The following DAW1 variants were observed in gnomAD, a reference collection of about 807,000 sequenced individuals.
DAW1 encodes dynein assembly factor with WD repeat domains 1.
Under a neutral mutation model 56.5 loss-of-function variants are expected in DAW1, and 47 were observed. The ratio of observed to expected loss-of-function variants is 0.83; its 90% CI spans 0.66 to 1.06. The LOEUF (loss-of-function observed/expected upper bound fraction) is 1.06. Ranked by LOEUF, DAW1 falls within the 50% of genes least tolerant of loss-of-function variation. The probability of loss-of-function intolerance (pLI) is 0.00; values close to 1 mark genes in which losing one functional copy is unlikely to be tolerated. For missense variants in DAW1, 505 were observed against 499.3 expected (o/e 1.01, Z -0.11); for synonymous variants, 190 against 179.0 (o/e 1.06, Z -0.49).
chr2:227,878,015 G>A (rs547702192), intron 1 of DAW1, among the ~76,000 whole-genome samples: 1 of 152,322 alleles, frequency 6.6e-6, no homozygotes, highest in East Asian at 1.9e-4. Flanking sequence ...TGAAGACTTC[G>A]AACCTTTTTA....
chr2:227,871,659 G>A lies in DAW1; in HGVS notation c.-31G>A. The A allele has an allele frequency of 6.2e-7, 1 of 1,610,948 alleles. No homozygotes were observed. Among genetic ancestry groups the A allele is most frequent in the Non-Finnish European group, 8.5e-7 (1 of 1,178,604 alleles). Reference sequence around the variant, plus strand: ...GTTTAGCCGTTTCCAAGGCTACGAAGCCCATCGGCCGGGGATAAGAGAGCA... The same window carrying A: ...GTTTAGCCGTTTCCAAGGCTACGAAACCCATCGGCCGGGGATAAGAGAGCA... On this transcript the variant is annotated 5_prime_UTR_variant, in exon 1 of 13. Transcript: ENST00000309931.
At chr2:227,909,337 A>G (rs1480601956) in intron 10 of DAW1, among the ~76,000 whole-genome samples, 1 of 147,466 alleles carries the variant, frequency 6.8e-6, no homozygotes, top group Non-Finnish European at 1.5e-5. Context: ...TATTTTTTAT[A>G]TTATATATTT....
chr2:227,874,772 C>G (rs953023271), intron 1 of DAW1, among the ~76,000 whole-genome samples: 1 of 151,990 alleles, frequency 6.6e-6, no homozygotes, highest in African/African-American at 2.4e-5. Flanking sequence ...ACCAGCCTGC[C>G]CAACATGGTG....
rs1691456669 is a variant in DAW1 at position 227,898,111 on chromosome 2, A to G, written c.441-71A>G. ...GTAAATTTTTTACTCATGTATTAATATCTCATCTTAGTTCAGTTTATTATA... is the reference window on the plus strand; with the variant it reads ...GTAAATTTTTTACTCATGTATTAATGTCTCATCTTAGTTCAGTTTATTATA... On this transcript the variant is annotated intron_variant, in intron 5 of 12. Transcript: ENST00000309931. The G allele has an allele frequency of 5.3e-6, 5 of 942,134 alleles. No homozygotes were observed. The South Asian group carries it at 1.2e-4, about 22-fold the overall frequency. 58.4% of individuals were successfully genotyped at this position (942,134 alleles called of 1,614,324 possible).
chr2:227,898,163 C>A lies in DAW1; in HGVS notation c.441-19C>A. ...AATGTGTCTTTTTTTAAATAATCTA[C>A]ATTTCTTTTAAATCTTAGTGACAAA... On this transcript the variant is annotated intron_variant, in intron 5 of 12. Transcript: ENST00000309931. 6.7e-7 allele frequency: 1 copy of A among 1,501,674 alleles called. No individual in the cohort carries two copies. The highest frequency in any genetic ancestry group is 1.4e-5 in the South Asian group (1 of 72,784). 93.0% of individuals were successfully genotyped at this position (1,501,674 alleles called of 1,614,324 possible). A position where few individuals can be genotyped will look rare whatever the true frequency, so the allele number is the denominator to read the frequency against.
chr2:227,887,535 A>G (rs1386708035), intron 2 of DAW1: 1 of 152,234 alleles, frequency 6.6e-6, no homozygotes, highest in African/African-American at 2.4e-5. Flanking sequence ...AGAACATCAC[A>G]CAAGTGGTAC....
chr2:227,913,988 ATCTC>A (rs71723734), intron 10 of DAW1, among the ~76,000 whole-genome samples: 516 of 147,404 alleles, frequency 3.5e-3, no homozygotes, highest in African/African-American at 8.3e-3. Flanking sequence ...ATATATCTGT[ATCTC>A]TCTCTCTCTC....
intron 8 of DAW1, among the ~76,000 whole-genome samples, chr2:227,905,421 T>C (rs545727085): frequency 6.6e-6 from 1 of 152,352 alleles, no homozygotes; most frequent in Non-Finnish European, 1.5e-5. Context: ...ATTTCCTTCC[T>C]AATGATTTTT....
At chr2:227,889,421 C>G (rs1276603792) in intron 2 of DAW1, 1 of 152,614 alleles carries the variant, frequency 6.6e-6, no homozygotes, top group Middle Eastern at 3.1e-3. Context: ...CTTTGTCAAG[C>G]CTTGTTATCA....
chr2:227,887,948 T>C (rs918205592), intron 2 of DAW1, among the ~76,000 whole-genome samples: 1 of 152,044 alleles, frequency 6.6e-6, no homozygotes, highest in African/African-American at 2.4e-5. Flanking sequence ...TTAATTTGGA[T>C]CTTGCGAGGA....
chr2:227,902,831 G>A (rs1285439079), intron 6 of DAW1, among the ~76,000 whole-genome samples, 171 bp from the exon 7 acceptor site: 1 of 152,192 alleles, frequency 6.6e-6, no homozygotes, highest in Non-Finnish European at 1.5e-5. Context: ...CTTTTCAAGA[G>A]GAGGACTCTG....
chr2:227,911,980 T>C (rs1691837091), intron 10 of DAW1, among the ~76,000 whole-genome samples: 1 of 152,172 alleles, frequency 6.6e-6, no homozygotes, highest in African/African-American at 2.4e-5. Context: ...ATCTGATTCA[T>C]CTTTCTCATG....
At chr2:227,918,175 C>CCAT (rs780205259) in intron 10 of DAW1, among the ~76,000 whole-genome samples, 1 of 50,634 alleles carries the variant, frequency 2.0e-5, no homozygotes, top group African/African-American at 7.4e-5. Flanking sequence ...CATCCATCAT[C>CCAT]CATCCATCCA....
In DAW1 at chr2:227,873,541, G is replaced by T. The variant is rs552260444; in HGVS notation, c.40+1812G>T. ...TAAGGGATGCTGCTTCTGCCTCCCT[G>T]GAAGACCGATCCTGGACAGCTACTT... is the stretch of plus-strand genomic sequence containing the variant. On this transcript the variant is annotated intron_variant, in intron 1 of 12. Coordinates refer to ENST00000309931, the MANE Select transcript of DAW1 (RefSeq NM_178821.3). Among the ~76,000 whole-genome samples the T allele has an allele frequency of 4.6e-5, 7 of 152,262 alleles. No homozygotes were observed. The South Asian group carries it at 1.5e-3, about 32-fold the overall frequency.
intron 11 of DAW1, among the ~76,000 whole-genome samples, chr2:227,920,273 A>G (rs1256016524): frequency 6.6e-6 from 1 of 152,234 alleles, no homozygotes; most frequent in African/African-American, 2.4e-5. Context: ...GCAAAGCTAA[A>G]GTATTCACTC....
chr2:227,916,693 C>T (rs1172717585), intron 10 of DAW1, among the ~76,000 whole-genome samples: 4 of 152,148 alleles, frequency 2.6e-5, no homozygotes, highest in African/African-American at 9.7e-5. Flanking sequence ...CACATATGAC[C>T]TGTGAAGTCT....
In DAW1 at chr2:227,918,800, G is replaced by A. The variant is rs1574674649; in HGVS notation, c.994G>A (p.Ala332Thr). ...AAAAGGAACAGCAAGAATTTTCAGT[G>A]CTGCCACAAGAAAATGCATTGCCAA... is the stretch of plus-strand genomic sequence containing the variant. ...SADGTARIFS[A>T]ATRKCIAKLE... The change falls in exon 11 of 13, where the codon GCT becomes ACT. Residue 332 changes from alanine to threonine, a missense_variant. Coordinates refer to ENST00000309931, the MANE Select transcript of DAW1 (RefSeq NM_178821.3). 1.9e-6 allele frequency: 3 copies of A among 1,614,064 alleles called. No homozygotes were observed. In the East Asian group the frequency reaches 6.7e-5, roughly 36 times the overall value.
At chr2:227,906,197 A>G in intron 8 of DAW1, 39 bp from the exon 9 acceptor site, 1 of 1,522,928 alleles carries the variant, frequency 6.6e-7, no homozygotes, top group African/African-American at 1.4e-5. Context: ...TACTGAAGTA[A>G]GATATCTTTC....
At chr2:227,907,112 TTTG>T in intron 9 of DAW1, 23 bp from the exon 10 acceptor site, 2 of 1,539,894 alleles carry the variant, frequency 1.3e-6, no homozygotes, top group African/African-American at 1.4e-5. Context: ...TCTTTTTTTT[TTTG>T]TTTTTTGTTC....
Sources: allele counts gnomAD v4.1 joint callset (sites outside exome capture counted in the v4.1 genomes callset), GRCh38; gene constraint gnomAD v4.1.1; transcripts MANE v1.5; gene names NCBI Gene and HGNC (gene_info 2026-07-23, HGNC 2026-07-21).